The following PCDHA4 variants were observed in gnomAD, a reference collection of about 807,000 sequenced individuals.
PCDHA4 encodes the protein protocadherin alpha 4.
A neutral mutation model predicts 61.4 loss-of-function variants in PCDHA4; 49 were observed. That is an observed-to-expected ratio of 0.80 (90% CI 0.63 to 1.01). The LOEUF (loss-of-function observed/expected upper bound fraction) is 1.01, where lower values mean the gene tolerates loss of function less well. PCDHA4 is among the 50% of genes least tolerant of loss of function. The probability of loss-of-function intolerance (pLI) is 0.00; values close to 1 mark genes in which losing one functional copy is unlikely to be tolerated. For synonymous variants in PCDHA4, 590 were observed against 550.3 expected (o/e 1.07, Z -1.01); for missense variants, 1,254 against 1,235.8 (o/e 1.01, Z -0.22).
intron 1 of PCDHA4, among the ~76,000 whole-genome samples, chr5:140,881,865 T>C (rs1380240082): frequency 6.6e-6 from 1 of 152,222 alleles, no homozygotes; most frequent in Non-Finnish European, 1.5e-5. Flanking sequence ...AATAAATTTG[T>C]GGCAAAATGA....
At chr5:140,881,469 T>C (rs879988017) in intron 1 of PCDHA4, 3 of 570,626 alleles carry the variant, frequency 5.3e-6, no homozygotes, top group Non-Finnish European at 6.7e-6. Context: ...AGCATTGTTG[T>C]GGCTAAATTA....
rs1766618058 is a variant in PCDHA4, at chr5:140,819,764, T to G, written c.2385+10192T>G. On this transcript the variant is annotated intron_variant, in intron 1 of 3. Coordinates refer to ENST00000530339, the MANE Select transcript of PCDHA4 (RefSeq NM_018907.4). ...AAAAGTCAAGAGTCTTGTTTCCTCCTGAAATATCTATATAAGTACATGAGA... is the reference window on the plus strand; with the variant it reads ...AAAAGTCAAGAGTCTTGTTTCCTCCGGAAATATCTATATAAGTACATGAGA... 2.0e-5 allele frequency among the ~76,000 whole-genome samples: 3 copies of G among 152,058 alleles called. No individual in the cohort carries two copies. The South Asian group carries it at 6.2e-4, about 31-fold the overall frequency.
intron 1 of PCDHA4, among the ~76,000 whole-genome samples, chr5:140,874,298 G>T (rs887601408): frequency 1.3e-5 from 2 of 152,114 alleles, no homozygotes; most frequent in African/African-American, 2.4e-5. Context: ...ATGTGTACTT[G>T]TTCACAATGA....
chr5:140,966,962 G>A (rs370831122), intron 1 of PCDHA4: 1 of 1,602,750 alleles, frequency 6.2e-7, no homozygotes, highest in Non-Finnish European at 8.5e-7. Context: ...TCGCGCGCTG[G>A]GGCTTGAGCT....
At chr5:140,813,435 T>C (rs1404458461) in intron 1 of PCDHA4, 6 of 152,198 alleles carry the variant, frequency 3.9e-5, no homozygotes, top group African/African-American at 1.4e-4. Flanking sequence ...CTGAATACTA[T>C]AGGGAATTGT....
chr5:140,869,340 G>A (rs1554162920), intron 1 of PCDHA4: 4 of 1,614,018 alleles, frequency 2.5e-6, no homozygotes, highest in Non-Finnish European at 3.4e-6. Flanking sequence ...AGGTAAATCT[G>A]CAGAATGGCA....
rs2150248542 is a variant in PCDHA4 at position 140,835,937 on chromosome 5, C to T, written c.2385+26365C>T. ...TGCACGCGGAGAGCGGCAAGGTGTA[C>T]GCGCTGCAGCCGTTGGACCACGAGG... On this transcript the variant is annotated intron_variant, in intron 1 of 3. Transcript: ENST00000530339. 14 of 1,612,512 alleles carry T rather than the reference C, an allele frequency of 8.7e-6. No homozygotes were observed. The South Asian group carries it at 1.3e-4, about 15-fold the overall frequency.
intron 1 of PCDHA4, chr5:140,871,675 T>C (rs1474564343): frequency 8.8e-7 from 1 of 1,142,376 alleles, no homozygotes; most frequent in African/African-American, 1.6e-5. Flanking sequence ...CTTTTAATCA[T>C]ATGAATAATC....
At chr5:140,843,257 C>T (rs146582216) in intron 1 of PCDHA4, 1 of 1,595,938 alleles carries the variant, frequency 6.3e-7, no homozygotes, top group African/African-American at 1.3e-5. Flanking sequence ...TCCGCGCCAC[C>T]GTCTGCTGGT....
At chr5:140,856,833 G>A (rs1554149194) in intron 1 of PCDHA4, 3 of 1,591,548 alleles carry the variant, frequency 1.9e-6, no homozygotes, top group African/African-American at 2.7e-5. Flanking sequence ...TTAGTAATAC[G>A]GCTCAACGCT....
At chr5:140,888,703 G>C (rs547593291) in intron 1 of PCDHA4, among the ~76,000 whole-genome samples, 1 of 152,180 alleles carries the variant, frequency 6.6e-6, no homozygotes, top group Admixed American at 6.5e-5. Context: ...TGATTGGTAG[G>C]AATGTGAAAT....
intron 1 of PCDHA4, among the ~76,000 whole-genome samples, chr5:140,896,143 T>C (rs932166066): frequency 2.6e-5 from 4 of 152,198 alleles, no homozygotes; most frequent in Non-Finnish European, 5.9e-5. Context: ...CAGTGCACCA[T>C]TGATGGGCAT....
intron 1 of PCDHA4, among the ~76,000 whole-genome samples, chr5:140,937,679 G>A (rs1357548421): frequency 5.9e-5 from 9 of 151,884 alleles, no homozygotes; most frequent in African/African-American, 1.9e-4. Context: ...TTGGGAGGCT[G>A]AGGCAGGCGG....
At chr5:140,950,159 T>C (rs983239055) in intron 1 of PCDHA4, among the ~76,000 whole-genome samples, 3 of 151,972 alleles carry the variant, frequency 2.0e-5, no homozygotes, top group Non-Finnish European at 4.4e-5. Flanking sequence ...AAGCAGTTAT[T>C]ATGTACTTTA....
At chr5:140,868,000 C>G (rs2050232725) in intron 1 of PCDHA4, 1 of 152,022 alleles carries the variant, frequency 6.6e-6, no homozygotes, top group Non-Finnish European at 1.5e-5. Flanking sequence ...ATGAATATAA[C>G]TGAATTAGAT....
chr5:140,907,167 T>C (rs1200819434), intron 1 of PCDHA4, among the ~76,000 whole-genome samples: 3 of 152,166 alleles, frequency 2.0e-5, no homozygotes, highest in Non-Finnish European at 4.4e-5. Context: ...ATATATTGGA[T>C]GCTGATTCAG....
chr5:140,857,036 G>T (rs1174179572), intron 1 of PCDHA4: 1 of 1,596,046 alleles, frequency 6.3e-7, no homozygotes, highest in Non-Finnish European at 8.6e-7. Context: ...CCCACCTATG[G>T]TTGGTCACTG....
chr5:140,901,839 A>T (rs578262204), intron 1 of PCDHA4, among the ~76,000 whole-genome samples: 1 of 152,108 alleles, frequency 6.6e-6, no homozygotes, highest in Non-Finnish European at 1.5e-5. Flanking sequence ...TAAACATGCA[A>T]TATCTTTCCA....
chr5:140,838,953 TA>T (rs1215369641), intron 1 of PCDHA4, among the ~76,000 whole-genome samples: 1 of 151,860 alleles, frequency 6.6e-6, no homozygotes, highest in Non-Finnish European at 1.5e-5. Flanking sequence ...TAAAATAAAA[TA>T]AAAACCCAGA....
Sources: allele counts gnomAD v4.1 joint callset (sites outside exome capture counted in the v4.1 genomes callset), GRCh38; gene constraint gnomAD v4.1.1; transcripts MANE v1.5; gene names NCBI Gene and HGNC (gene_info 2026-07-23, HGNC 2026-07-21).